ZNF519: variants seen among roughly 807,000 people sequenced by gnomAD.
The protein encoded by ZNF519 is zinc finger protein 519.
A neutral mutation model predicts 7.4 loss-of-function variants in ZNF519; 7 were observed. That is an observed-to-expected ratio of 0.94 (90% CI 0.54 to 1.77). The LOEUF (loss-of-function observed/expected upper bound fraction) is 1.77, where lower values mean the gene tolerates loss of function less well. ZNF519 is among the 40% of genes most tolerant of loss of function. The pLI is 0.00. For synonymous variants in ZNF519, 179 were observed against 203.3 expected (o/e 0.88, Z 1.02); for missense variants, 586 against 623.1 (o/e 0.94, Z 0.63).
At chr18:14,123,815 G>A (rs1285646275) in intron 2 of ZNF519, among the ~76,000 whole-genome samples, 1 of 152,118 alleles carries the variant, frequency 6.6e-6, no homozygotes, top group Non-Finnish European at 1.5e-5. Context: ...CACTAATCTA[G>A]AGTAAAGGAA....
At chr18:14,090,327 G>A (rs1309973210) in intron 2 of ZNF519, 3 of 152,170 alleles carry the variant, frequency 2.0e-5, no homozygotes, top group East Asian at 1.9e-4. Flanking sequence ...CACCCTTGCC[G>A]AGGCTTACAG....
At chr18:14,112,840 A>G (rs766089337) in intron 2 of ZNF519, among the ~76,000 whole-genome samples, 13 of 152,184 alleles carry the variant, frequency 8.5e-5, no homozygotes, top group Non-Finnish European at 1.8e-4. Context: ...TGTCTATACT[A>G]CCCAATCCAA....
downstream of ZNF519, chr18:14,071,509 A>T (rs2046028292): frequency 1.3e-5 from 2 of 152,236 alleles, no homozygotes; most frequent in South Asian, 4.1e-4. Flanking sequence ...ATAATCATAC[A>T]TCACAGATGA....
chr18:14,117,117 T>TG (rs978662468), intron 2 of ZNF519, among the ~76,000 whole-genome samples: 3 of 151,900 alleles, frequency 2.0e-5, no homozygotes, highest in African/African-American at 7.3e-5. Flanking sequence ...CACAGAAAAA[T>TG]GGGACTACAT....
chr18:14,127,555 G>A (rs1261072689), intron 1 of ZNF519, among the ~76,000 whole-genome samples: 1 of 152,162 alleles, frequency 6.6e-6, no homozygotes, highest in Non-Finnish European at 1.5e-5. Flanking sequence ...GCACATTTAG[G>A]TCTTGAAGGG....
chr18:14,130,186 C>T (rs1290201310), intron 1 of ZNF519, among the ~76,000 whole-genome samples: 1 of 147,920 alleles, frequency 6.8e-6, no homozygotes, highest in Admixed American at 6.7e-5. Context: ...AATTTCATCT[C>T]CGATGGTCAA....
chr18:14,072,077 G>A (rs1436264121), downstream of ZNF519: 1 of 152,150 alleles, frequency 6.6e-6, no homozygotes, highest in Non-Finnish European at 1.5e-5. Context: ...CCACATTGCA[G>A]AATGTTTCTT....
rs185665549 is a variant in ZNF519 at position 14,129,366 on chromosome 18, T to C, written c.3+2909A>G. Among the ~76,000 whole-genome samples the C allele has an allele frequency of 1.1e-3, 166 of 152,056 alleles. 1 individual carries two copies. The highest frequency in any genetic ancestry group is 3.4e-3 in the Middle Eastern group (1 of 294). ...GTGGGAGGAGTGTAGCCAGATCAAT[T>C]TTTAGTGGGTATGTTCAGGAGTGGG... On this transcript the variant is annotated intron_variant, in intron 1 of 2. Transcript: ENST00000590202.
chr18:14,105,027 G>C lies in ZNF519; in HGVS notation c.1513C>G (p.Gln505Glu), dbSNP rs759250910. The C allele has an allele frequency of 6.2e-7, 1 of 1,605,312 alleles. No homozygotes were observed. The highest frequency in any genetic ancestry group is 8.5e-7 in the Non-Finnish European group (1 of 1,174,462). ...TCTCCAGTATGAATTCTCTGATGTTGAGTAAGGTGTGAGCTCCTGGTAAAA... is the reference window on the plus strand; with the variant it reads ...TCTCCAGTATGAATTCTCTGATGTTCAGTAAGGTGTGAGCTCCTGGTAAAA... ...KAFTRSSHLT[Q>E]HQRIHTGEKP... The change falls in exon 3 of 3, where the codon CAA (glutamine) becomes GAA (glutamate). Residue 505 changes from glutamine (Q) to glutamate (E), a missense_variant. Transcript: ENST00000590202.
intron 2 of ZNF519, among the ~76,000 whole-genome samples, chr18:14,107,805 C>T (rs1271178586): frequency 1.3e-5 from 2 of 152,074 alleles, no homozygotes; most frequent in African/African-American, 2.4e-5. Flanking sequence ...TCCCCATGGG[C>T]CTGTGGTGAT....
intron 2 of ZNF519, among the ~76,000 whole-genome samples, chr18:14,094,726 CTA>C (rs770263248): frequency 2.8e-4 from 42 of 152,102 alleles, no homozygotes; most frequent in Non-Finnish European, 4.9e-4. Context: ...AGAGATTGGC[CTA>C]TAGTTTTTTT....
exon 5 of ZNF519, chr18:14,077,043 TC>T (rs1380299871): frequency 1.3e-5 from 2 of 152,194 alleles, no homozygotes; most frequent in Admixed American, 1.3e-4. Context: ...CCTGAAAATG[TC>T]CCCGACTCTT....
intron 2 of ZNF519, among the ~76,000 whole-genome samples, chr18:14,112,527 TG>T (rs1411826311): frequency 6.6e-6 from 1 of 152,192 alleles, no homozygotes; most frequent in African/African-American, 2.4e-5. Flanking sequence ...TGCTTGCAGA[TG>T]ATGTGCTCTT....
At chr18:14,071,793 T>C (rs2046029341), downstream of ZNF519, 1 of 152,224 alleles carries the variant, frequency 6.6e-6, no homozygotes, top group African/African-American at 2.4e-5. Flanking sequence ...CTGTATCTTT[T>C]CTGAGATTCT....
chr18:14,123,174 G>T, intron 2 of ZNF519: 1 of 245,084 alleles, frequency 4.1e-6, no homozygotes. Flanking sequence ...CTTTGCTCCA[G>T]ACAGGTGACC....
At chr18:14,098,094 A>C (rs1598512690), downstream of ZNF519, among the ~76,000 whole-genome samples, 1 of 151,400 alleles carries the variant, frequency 6.6e-6, no homozygotes. Context: ...TGGTCTCCAC[A>C]CTGTCCTCTA....
rs1381400942 is a variant in ZNF519 at position 14,124,478 on chromosome 18, T to C, written c.4-2A>G. 1.9e-6 allele frequency: 3 copies of C among 1,608,682 alleles called. No homozygotes were observed. The highest frequency in any genetic ancestry group is 2.5e-6 in the Non-Finnish European group (3 of 1,178,824). ...CACATCCCTGAATGTTAAGAGTTCC[T>C]GGAAACACATATATCAAGTGACAGA... On this transcript the variant is annotated splice_acceptor_variant, in intron 1 of 2. Transcript: ENST00000590202. LOFTEE classifies it high-confidence loss of function.
At chr18:14,117,241 CAA>C (rs770498733) in intron 2 of ZNF519, among the ~76,000 whole-genome samples, 48 of 152,168 alleles carry the variant, frequency 3.2e-4, no homozygotes, top group Non-Finnish European at 3.5e-4. Context: ...AAATCAACAA[CAA>C]AGAGTAAGTA....
intron 2 of ZNF519, among the ~76,000 whole-genome samples, chr18:14,109,068 T>C (rs1457754405): frequency 1.3e-5 from 2 of 151,714 alleles, no homozygotes; most frequent in African/African-American, 2.4e-5. Context: ...GATTGCACCA[T>C]TGTACTCCAG....
Sources: allele counts gnomAD v4.1 joint callset (sites outside exome capture counted in the v4.1 genomes callset), GRCh38; gene constraint gnomAD v4.1.1; transcripts MANE v1.5; gene names NCBI Gene and HGNC (gene_info 2026-07-23, HGNC 2026-07-21).